Variants in JAZF1 observed in about 807,000 individuals in gnomAD.
JAZF1 encodes juxtaposed with another zinc finger protein 1.
A neutral mutation model predicts 26.4 loss-of-function variants in JAZF1; 8 were observed. The observed-to-expected ratio is 0.30, with a 90% CI of 0.18 to 0.55. The LOEUF (loss-of-function observed/expected upper bound fraction) is 0.55, where lower values mean the gene tolerates loss of function less well. JAZF1 is among the 20% of genes least tolerant of loss of function. The probability of loss-of-function intolerance (pLI) is 0.94; values close to 1 mark genes in which losing one functional copy is unlikely to be tolerated. For missense variants in JAZF1, 199 were observed against 322.0 expected, an observed-to-expected ratio of 0.62 and a Z score of 2.92; for synonymous variants, 126 against 122.3, an observed-to-expected ratio of 1.03 and a Z score of -0.20.
intron 1 of JAZF1, among the ~76,000 whole-genome samples, chr7:28,180,071 G>A (rs1176002381): frequency 6.9e-6 from 1 of 145,288 alleles, no homozygotes; most frequent in Non-Finnish European, 1.5e-5. Flanking sequence ...CCGCGACCCT[G>A]CCCAGCGCCC....
chr7:28,049,210 G>A (rs1442464229), intron 1 of JAZF1, among the ~76,000 whole-genome samples: 3 of 151,506 alleles, frequency 2.0e-5, no homozygotes, highest in Admixed American at 2.0e-4. Flanking sequence ...AGTCTCCAGA[G>A]TAGTTGGGAT....
intron 1 of JAZF1, among the ~76,000 whole-genome samples, chr7:28,166,684 A>G (rs1783373328): frequency 6.6e-6 from 1 of 152,242 alleles, no homozygotes; most frequent in Admixed American, 6.5e-5. Flanking sequence ...ACATGGAAGT[A>G]TTTTTCTAAT....
At chr7:27,833,250 A>G (rs1583420666) in intron 4 of JAZF1, 1 of 213,666 alleles carries the variant, frequency 4.7e-6, no homozygotes, top group Non-Finnish European at 9.3e-6. Flanking sequence ...TATATAAAAT[A>G]TATATTTAGG....
intron 1 of JAZF1, chr7:28,118,332 T>C (rs981737693): frequency 3.3e-5 from 5 of 152,050 alleles, no homozygotes; most frequent in African/African-American, 1.2e-4. Context: ...CTGGCCAATA[T>C]GGTGAAGCCC....
intron 1 of JAZF1, among the ~76,000 whole-genome samples, chr7:28,177,548 A>G (rs374687501): frequency 6.6e-6 from 1 of 152,192 alleles, no homozygotes; most frequent in Non-Finnish European, 1.5e-5. Context: ...GGCTAAAGGT[A>G]ATAACCCAGA....
intron 1 of JAZF1, among the ~76,000 whole-genome samples, chr7:28,042,249 T>A: frequency 6.6e-6 from 1 of 152,160 alleles, no homozygotes; most frequent in Non-Finnish European, 1.5e-5. Context: ...CCCATCTGAT[T>A]ACCGTGCAGG....
intron 2 of JAZF1, among the ~76,000 whole-genome samples, chr7:27,918,276 C>T (rs1025590726): frequency 1.3e-5 from 2 of 152,072 alleles, no homozygotes; most frequent in African/African-American, 4.8e-5. Flanking sequence ...AGCTCAAATG[C>T]CCCTTTAAAA....
chr7:27,939,127 C>A (rs914712219), intron 2 of JAZF1, among the ~76,000 whole-genome samples: 5 of 152,150 alleles, frequency 3.3e-5, no homozygotes, highest in Non-Finnish European at 5.9e-5. Context: ...GCCATGAGGT[C>A]TACGGAGCAC....
intron 1 of JAZF1, among the ~76,000 whole-genome samples, chr7:28,014,613 G>C (rs1228114504): frequency 6.6e-6 from 1 of 152,192 alleles, no homozygotes; most frequent in Non-Finnish European, 1.5e-5. Context: ...CACCATGATT[G>C]TGAGACTTCC....
intron 2 of JAZF1, among the ~76,000 whole-genome samples, chr7:27,921,609 GC>G (rs1375750692): frequency 1.3e-5 from 2 of 152,162 alleles, no homozygotes; most frequent in African/African-American, 4.8e-5. Flanking sequence ...TGCCTTGATA[GC>G]AAAATTTTGG....
At chr7:28,082,817 G>C (rs762948151) in intron 1 of JAZF1, among the ~76,000 whole-genome samples, 2 of 152,028 alleles carry the variant, frequency 1.3e-5, no homozygotes, top group African/African-American at 4.8e-5. Flanking sequence ...CCTTTGCCTC[G>C]GTGCCACCAT....
At chr7:28,117,322 C>T (rs1784762774) in intron 1 of JAZF1, among the ~76,000 whole-genome samples, 1 of 151,998 alleles carries the variant, frequency 6.6e-6, no homozygotes, top group East Asian at 1.9e-4. Flanking sequence ...GAATGTCTTC[C>T]AGTTTCTCAG....
intron 1 of JAZF1, among the ~76,000 whole-genome samples, chr7:28,000,948 A>C (rs2128367669): frequency 6.6e-6 from 1 of 152,316 alleles, no homozygotes; most frequent in Non-Finnish European, 1.5e-5. Context: ...GAGACAAATA[A>C]ATTGAATTCA....
At chr7:28,137,181 C>T (rs771433212) in intron 1 of JAZF1, among the ~76,000 whole-genome samples, 7 of 152,162 alleles carry the variant, frequency 4.6e-5, no homozygotes, top group Non-Finnish European at 1.0e-4. Context: ...CAGAGAACTG[C>T]GGTGCTGTTT....
intron 2 of JAZF1, among the ~76,000 whole-genome samples, chr7:27,904,422 G>A (rs1784215137): frequency 6.6e-6 from 1 of 152,230 alleles, no homozygotes; most frequent in African/African-American, 2.4e-5. Context: ...AGCAAGTGGA[G>A]TAATCATTTG....
chr7:27,974,251 G>T (rs1785428997), intron 2 of JAZF1, among the ~76,000 whole-genome samples: 1 of 152,096 alleles, frequency 6.6e-6, no homozygotes, highest in Admixed American at 6.5e-5. Flanking sequence ...CTCCACATCG[G>T]TTAACAGCCA....
intron 1 of JAZF1, among the ~76,000 whole-genome samples, chr7:28,013,813 C>T (rs1273230228): frequency 2.0e-5 from 3 of 152,114 alleles, no homozygotes; most frequent in African/African-American, 7.2e-5. Flanking sequence ...CCAATTCACT[C>T]AGCTACCTTT....
In JAZF1 at chr7:27,870,371, C is replaced by A. The variant is rs557974679; in HGVS notation, c.385+24849G>T. 3.6e-3 allele frequency among the ~76,000 whole-genome samples: 548 copies of A among 152,176 alleles called. 1 individual carries two copies. The highest frequency in any genetic ancestry group is 0.013 in the African/African-American group (523 of 41,486). On this transcript the variant is annotated intron_variant, in intron 3 of 4. Transcript: ENST00000283928. ...ACCTGTGTTCTGGCCATGTCCCATCCCTTTCATGTATGAATTCCACATCTG... is the reference window on the plus strand; with the variant it reads ...ACCTGTGTTCTGGCCATGTCCCATCACTTTCATGTATGAATTCCACATCTG...
chr7:27,849,156 C>T (rs1373027974), intron 3 of JAZF1, among the ~76,000 whole-genome samples: 6 of 152,262 alleles, frequency 3.9e-5, no homozygotes, highest in South Asian at 2.1e-4. Flanking sequence ...AGAACAGAGA[C>T]GCGACAAAGC....
Sources: allele counts gnomAD v4.1 joint callset (sites outside exome capture counted in the v4.1 genomes callset), GRCh38; gene constraint gnomAD v4.1.1; transcripts MANE v1.5; gene names NCBI Gene and HGNC (gene_info 2026-07-23, HGNC 2026-07-21).